KCNAB1: variants seen among roughly 807,000 people sequenced by gnomAD.
KCNAB1 encodes voltage-gated potassium channel subunit beta-1.
A neutral mutation model predicts 64.6 loss-of-function variants in KCNAB1; 35 were observed. That is an observed-to-expected ratio of 0.54 (90% confidence interval 0.41 to 0.72). The LOEUF (loss-of-function observed/expected upper bound fraction) is 0.72, where lower values mean the gene tolerates loss of function less well. Among genes scored for constraint, KCNAB1 ranks in the 30% least tolerant of loss-of-function variants. KCNAB1 has a pLI of 0.00. For missense variants in KCNAB1, 401 were observed against 512.9 expected, an observed-to-expected ratio of 0.78 and a Z score of 2.11; for synonymous variants, 177 against 183.8, an observed-to-expected ratio of 0.96 and a Z score of 0.30.
chr3:156,462,625 T>C (rs1713008727), intron 5 of KCNAB1, among the ~76,000 whole-genome samples: 1 of 152,226 alleles, frequency 6.6e-6, no homozygotes, highest in Non-Finnish European at 1.5e-5. Flanking sequence ...TGCAACCAAG[T>C]TGTCAGAGTT....
At chr3:156,298,683 A>C (rs1203727301) in intron 1 of KCNAB1, among the ~76,000 whole-genome samples, 1 of 152,196 alleles carries the variant, frequency 6.6e-6, no homozygotes, top group African/African-American at 2.4e-5. Flanking sequence ...AATTTATTTG[A>C]GTACCCTTTA....
chr3:156,211,149 A>G (rs963688639), intron 1 of KCNAB1, among the ~76,000 whole-genome samples: 3 of 152,156 alleles, frequency 2.0e-5, no homozygotes, highest in Non-Finnish European at 4.4e-5. Flanking sequence ...ATGCTGAGAG[A>G]ATATTGAAGA....
At chr3:156,252,121 G>T (rs1717863204) in intron 1 of KCNAB1, among the ~76,000 whole-genome samples, 1 of 152,222 alleles carries the variant, frequency 6.6e-6, no homozygotes, top group African/African-American at 2.4e-5. Flanking sequence ...CAAGTGAGAA[G>T]CACCTGGCTC....
At chr3:156,166,524 C>CAT (rs758001259) in intron 1 of KCNAB1, among the ~76,000 whole-genome samples, 4 of 145,964 alleles carry the variant, frequency 2.7e-5, no homozygotes, top group African/African-American at 5.2e-5. Context: ...TTAAAAAATA[C>CAT]ATATATACAC....
At chr3:156,438,635 C>T (rs113259118) in intron 2 of KCNAB1, among the ~76,000 whole-genome samples, 18 of 152,122 alleles carry the variant, frequency 1.2e-4, no homozygotes, top group African/African-American at 4.1e-4. Flanking sequence ...TTAGTGAGCA[C>T]CTGTTGTATG....
upstream of KCNAB1, among the ~76,000 whole-genome samples, chr3:156,120,352 T>G (rs1370805944): frequency 6.6e-6 from 1 of 152,232 alleles, no homozygotes; most frequent in African/African-American, 2.4e-5. Flanking sequence ...ACTTCAGTAT[T>G]ACAAAGTTGT....
chr3:156,471,990 C>T (rs1463761493), intron 7 of KCNAB1, among the ~76,000 whole-genome samples: 1 of 152,152 alleles, frequency 6.6e-6, no homozygotes, highest in Non-Finnish European at 1.5e-5. Context: ...CAAATCAGTA[C>T]CCTGAATCCC....
intron 5 of KCNAB1, 65 bp downstream of exon 5, chr3:156,459,936 T>C: frequency 1.7e-6 from 2 of 1,159,962 alleles, no homozygotes; most frequent in Non-Finnish European, 2.6e-6. Flanking sequence ...GAAGGAAAAA[T>C]AAAATTATAT....
intron 1 of KCNAB1, among the ~76,000 whole-genome samples, chr3:156,240,848 G>T (rs985186963): frequency 6.6e-5 from 10 of 152,210 alleles, no homozygotes; most frequent in Non-Finnish European, 1.3e-4. Context: ...ACCAGTAGGG[G>T]AGGAAGGAAG....
At chr3:156,335,926 T>C (rs1339198455) in intron 1 of KCNAB1, among the ~76,000 whole-genome samples, 2 of 151,752 alleles carry the variant, frequency 1.3e-5, no homozygotes, top group Non-Finnish European at 1.5e-5. Context: ...CATTGTGCAT[T>C]TTATATTTTA....
At chr3:156,127,343 C>T (rs1005825683) in intron 1 of KCNAB1, among the ~76,000 whole-genome samples, 1 of 152,172 alleles carries the variant, frequency 6.6e-6, no homozygotes, top group African/African-American at 2.4e-5. Context: ...TTTCTTAGAG[C>T]AGGCACATTC....
chr3:156,377,862 G>A (rs558080414), intron 1 of KCNAB1, among the ~76,000 whole-genome samples: 20 of 152,172 alleles, frequency 1.3e-4, no homozygotes, highest in Admixed American at 2.6e-4. Context: ...ATTTATTCTC[G>A]GTGTGCTTCC....
intron 1 of KCNAB1, among the ~76,000 whole-genome samples, chr3:156,128,515 T>C (rs773096422): frequency 1.6e-4 from 24 of 152,242 alleles, no homozygotes; most frequent in Non-Finnish European, 2.6e-4. Flanking sequence ...CACAAATACC[T>C]ACAATTTGTA....
At chr3:156,398,188 A>G (rs2108184260) in intron 1 of KCNAB1, among the ~76,000 whole-genome samples, 1 of 152,268 alleles carries the variant, frequency 6.6e-6, no homozygotes, top group South Asian at 2.1e-4. Context: ...AAACAATGAG[A>G]ACACATGGAC....
intron 8 of KCNAB1, among the ~76,000 whole-genome samples, chr3:156,490,479 A>G (rs1489566744): frequency 6.6e-6 from 1 of 152,126 alleles, no homozygotes; most frequent in East Asian, 1.9e-4. Flanking sequence ...AGAAACTATA[A>G]TATACTTGGT....
intron 1 of KCNAB1, among the ~76,000 whole-genome samples, chr3:156,387,560 C>T (rs1308800425): frequency 6.6e-6 from 1 of 152,034 alleles, no homozygotes; most frequent in Non-Finnish European, 1.5e-5. Context: ...CCTTATTGTT[C>T]AGTTACAGTG....
At chr3:156,353,980 G>A (rs897919655) in intron 1 of KCNAB1, among the ~76,000 whole-genome samples, 2 of 151,650 alleles carry the variant, frequency 1.3e-5, no homozygotes, top group Non-Finnish European at 2.9e-5. Flanking sequence ...CAGGACATGG[G>A]GGATTTGGGG....
chr3:156,449,285 T>C (rs1403513964), intron 2 of KCNAB1, among the ~76,000 whole-genome samples: 2 of 152,230 alleles, frequency 1.3e-5, no homozygotes, highest in Non-Finnish European at 2.9e-5. Flanking sequence ...TCTTTTTTTC[T>C]GTACCAAAAC....
intron 1 of KCNAB1, among the ~76,000 whole-genome samples, chr3:156,140,615 T>C (rs1271903982): frequency 6.6e-6 from 1 of 152,194 alleles, no homozygotes; most frequent in East Asian, 1.9e-4. Context: ...TTCCCACATA[T>C]GAATTTTGGG....
Sources: allele counts gnomAD v4.1 joint callset (sites outside exome capture counted in the v4.1 genomes callset), GRCh38; gene constraint gnomAD v4.1.1; transcripts MANE v1.5; gene names NCBI Gene and HGNC (gene_info 2026-07-23, HGNC 2026-07-21).